DOCK4: variants seen among roughly 807,000 people sequenced by gnomAD.
DOCK4 encodes dedicator of cytokinesis protein 4.
DOCK4 carries 97 observed loss-of-function variants against 268.1 expected under a neutral mutation model. The ratio of observed to expected loss-of-function variants is 0.36; its 90% CI spans 0.31 to 0.43. The LOEUF (loss-of-function observed/expected upper bound fraction) is 0.43. Ranked by LOEUF, DOCK4 falls within the 20% of genes least tolerant of loss-of-function variation. The probability of loss-of-function intolerance (pLI) is 1.00; values close to 1 mark genes in which losing one functional copy is unlikely to be tolerated. For synonymous variants in DOCK4, 954 were observed against 887.2 expected, an observed-to-expected ratio of 1.08 and a Z score of -1.34; for missense variants, 2,145 against 2,455.7, an observed-to-expected ratio of 0.87 and a Z score of 2.67.
intron 25 of DOCK4, 84 bp downstream of exon 25, chr7:111,844,679 C>G: frequency 6.8e-7 from 1 of 1,472,336 alleles, no homozygotes; most frequent in South Asian, 1.5e-5. Flanking sequence ...GCCACATTTT[C>G]CAGATTATAA....
chr7:111,989,646 T>G (rs959086029), intron 5 of DOCK4, among the ~76,000 whole-genome samples: 1 of 152,220 alleles, frequency 6.6e-6, no homozygotes, highest in Non-Finnish European at 1.5e-5. Context: ...CTATCAGAAG[T>G]TGGGCACAAA....
At chr7:111,869,427 G>T in intron 21 of DOCK4, 147 bp downstream of exon 21, 1 of 706,000 alleles carries the variant, frequency 1.4e-6, no homozygotes, top group Non-Finnish European at 2.4e-6. Flanking sequence ...CAGCTCTCAA[G>T]CAGTCACAAA....
chr7:112,016,285 T>C (rs943806438), intron 1 of DOCK4, among the ~76,000 whole-genome samples: 1 of 152,232 alleles, frequency 6.6e-6, no homozygotes, highest in African/African-American at 2.4e-5. Context: ...TCTCTAAATT[T>C]TGGGTTGTTT....
chr7:112,104,142 C>T (rs1810932798), intron 1 of DOCK4, among the ~76,000 whole-genome samples: 1 of 152,162 alleles, frequency 6.6e-6, no homozygotes, highest in Non-Finnish European at 1.5e-5. Flanking sequence ...ACAGAAAGAT[C>T]TCTTTTTGCA....
intron 1 of DOCK4, among the ~76,000 whole-genome samples, chr7:112,134,580 G>A (rs192954092): frequency 6.6e-6 from 1 of 152,148 alleles, no homozygotes; most frequent in African/African-American, 2.4e-5. Context: ...AATCAGCTAG[G>A]TGTGGTGACA....
chr7:111,812,823 T>C (rs1271355741), intron 27 of DOCK4, among the ~76,000 whole-genome samples: 1 of 152,144 alleles, frequency 6.6e-6, no homozygotes, highest in Non-Finnish European at 1.5e-5. Context: ...AGTACGAAGC[T>C]GTGTGAAACC....
intron 1 of DOCK4, among the ~76,000 whole-genome samples, chr7:112,167,149 A>G (rs1369686959): frequency 2.0e-5 from 3 of 152,198 alleles, no homozygotes; most frequent in Admixed American, 6.5e-5. Flanking sequence ...CAGCATCTCA[A>G]TTAAGAGATG....
At chr7:112,086,746 T>C (rs1809127153) in intron 1 of DOCK4, among the ~76,000 whole-genome samples, 1 of 152,130 alleles carries the variant, frequency 6.6e-6, no homozygotes, top group African/African-American at 2.4e-5. Context: ...AGTTTTACGC[T>C]GAGCCAAGGC....
intron 40 of DOCK4, among the ~76,000 whole-genome samples, chr7:111,759,516 A>G (rs958535350): frequency 2.0e-5 from 3 of 152,064 alleles, no homozygotes; most frequent in African/African-American, 7.2e-5. Context: ...TTGAAATGGT[A>G]TTCATAATTG....
At chr7:111,760,757 TGTG>T (rs1797346312) in intron 39 of DOCK4, among the ~76,000 whole-genome samples, 1 of 138,720 alleles carries the variant, frequency 7.2e-6, no homozygotes, top group Non-Finnish European at 1.5e-5. Context: ...TGTGTGTGTG[TGTG>T]TGTGTGTGTG....
At chr7:112,123,517 G>T (rs1439321217) in intron 1 of DOCK4, among the ~76,000 whole-genome samples, 1 of 152,190 alleles carries the variant, frequency 6.6e-6, no homozygotes, top group African/African-American at 2.4e-5. Context: ...AGTGATTGCA[G>T]TTTACACCAG....
intron 8 of DOCK4, among the ~76,000 whole-genome samples, chr7:111,947,989 A>C (rs1586465149): frequency 6.6e-6 from 1 of 152,138 alleles, no homozygotes; most frequent in Non-Finnish European, 1.5e-5. Context: ...TGGCCTCCCA[A>C]AGTGCTGGGA....
At chr7:112,042,278 T>C (rs1265191030) in intron 1 of DOCK4, among the ~76,000 whole-genome samples, 1 of 152,184 alleles carries the variant, frequency 6.6e-6, no homozygotes, top group African/African-American at 2.4e-5. Flanking sequence ...ACAGACATCA[T>C]TGTAGTCCAG....
At chr7:112,006,517 GT>G (rs1279605809) in intron 1 of DOCK4, among the ~76,000 whole-genome samples, 2 of 152,228 alleles carry the variant, frequency 1.3e-5, no homozygotes, top group African/African-American at 4.8e-5. Context: ...AACGGTCTAT[GT>G]GGGTGAATTC....
At chr7:111,826,409 C>T (rs997649717) in intron 26 of DOCK4, among the ~76,000 whole-genome samples, 13 of 152,072 alleles carry the variant, frequency 8.5e-5, no homozygotes, top group African/African-American at 2.2e-4. Context: ...TTGAGAGGAT[C>T]GAATTTGTGT....
intron 24 of DOCK4, 54 bp downstream of exon 24, chr7:111,846,945 T>A: frequency 6.4e-7 from 1 of 1,561,134 alleles, no homozygotes. Flanking sequence ...ATTACAAGTT[T>A]ATTTCCAGAA....
At chr7:112,002,711 C>T (rs952785754) in intron 2 of DOCK4, among the ~76,000 whole-genome samples, 25 of 152,028 alleles carry the variant, frequency 1.6e-4, no homozygotes, top group Non-Finnish European at 3.1e-4. Flanking sequence ...TGAGTATTTT[C>T]GGATATACTA....
At chr7:111,959,495 A>G (rs1271683351) in intron 8 of DOCK4, among the ~76,000 whole-genome samples, 1 of 152,224 alleles carries the variant, frequency 6.6e-6, no homozygotes, top group Non-Finnish European at 1.5e-5. Context: ...TACATTTTAA[A>G]TGATGTATGA....
At chr7:111,779,650 C>T (rs902581063) in intron 35 of DOCK4, among the ~76,000 whole-genome samples, 1 of 152,170 alleles carries the variant, frequency 6.6e-6, no homozygotes, top group African/African-American at 2.4e-5. Context: ...GCCTCGGCCT[C>T]CCAAAGTGCT....
Sources: allele counts gnomAD v4.1 joint callset (sites outside exome capture counted in the v4.1 genomes callset), GRCh38; gene constraint gnomAD v4.1.1; transcripts MANE v1.5; gene names NCBI Gene and HGNC (gene_info 2026-07-23, HGNC 2026-07-21).